TFDP1: variants seen among roughly 807,000 people sequenced by gnomAD.
The protein encoded by TFDP1 is DRTF1-polypeptide 1.
Under a neutral mutation model 48.0 loss-of-function variants are expected in TFDP1, and 6 were observed. The ratio of observed to expected loss-of-function variants is 0.13; its 90% CI spans 0.07 to 0.25. TFDP1 has a LOEUF of 0.25. Ranked by LOEUF, TFDP1 falls within the 10% of genes least tolerant of loss-of-function variation. The probability of loss-of-function intolerance (pLI) is 1.00; values close to 1 mark genes in which losing one functional copy is unlikely to be tolerated. For missense variants in TFDP1, 335 were observed against 543.0 expected (o/e 0.62, Z 3.81); for synonymous variants, 201 against 211.6 (o/e 0.95, Z 0.44).
rs577847768 is a variant in TFDP1, at chr13:113,620,153, C to T, written c.80-3027C>T. 2.6e-5 allele frequency among the ~76,000 whole-genome samples: 4 copies of T among 152,316 alleles called. No homozygotes were observed. The South Asian group carries it at 6.2e-4, about 24-fold the overall frequency. On this transcript the variant is annotated intron_variant, in intron 3 of 11. Coordinates refer to ENST00000375370, the MANE Select transcript of TFDP1 (RefSeq NM_007111.5). The stretch of plus-strand genomic sequence containing the variant: ...AGATGGTGTAGGCAGGCCAGCCGGC[C>T]GGCCTGTGGGTGGAGCAGATGGAGG...
intron 2 of TFDP1, among the ~76,000 whole-genome samples, chr13:113,600,171 TGAGA>T (rs1295885066): frequency 2.4e-4 from 35 of 148,390 alleles, no homozygotes; most frequent in African/African-American, 8.5e-4. Context: ...CCCAGGACCG[TGAGA>T]GAGAATCCTT....
chr13:113,586,025 C>A, intron 2 of TFDP1, 176 bp downstream of exon 2: 2 of 638,982 alleles, frequency 3.1e-6, no homozygotes, highest in Admixed American at 2.9e-5. Context: ...ATCTCTGAAG[C>A]TGCGGTCACC....
chr13:113,598,244 G>A lies in TFDP1; in HGVS notation c.12+12395G>A, dbSNP rs912526315. ...CCACCCCAAAGACAGCGGGAGGCAG[G>A]ATGCAAGCACCTTTTTAACGGCTGT... On this transcript the variant is annotated intron_variant, in intron 2 of 11. Coordinates refer to ENST00000375370, the MANE Select transcript of TFDP1 (RefSeq NM_007111.5). The surrounding 1 kb of genome is among the most constrained non-coding windows in gnomAD (Gnocchi z 4.2). Among the ~76,000 whole-genome samples, 4 of 152,184 alleles carry A rather than the reference G, an allele frequency of 2.6e-5. No individual in the cohort carries two copies. Among genetic ancestry groups the A allele is most frequent in the African/African-American group, 9.7e-5 (4 of 41,442 alleles).
At position 113,598,918 on chromosome 13, in the gene TFDP1, C is replaced by T. The variant is rs1008017737; in HGVS notation, c.13-12078C>T. Among the ~76,000 whole-genome samples, 6 of 152,166 alleles carry T rather than the reference C, an allele frequency of 3.9e-5. No individual in the cohort carries two copies. The highest frequency in any genetic ancestry group is 1.3e-4 in the Admixed American group (2 of 15,278). On this transcript the variant is annotated intron_variant, in intron 2 of 11. Transcript: ENST00000375370. This position sits in a 1 kb window ranked among gnomAD's most constrained non-coding sequence, Gnocchi z 4.2. ...TTTCCCTTAGTTTAGAAAATGAAAT[C>T]GCCTTATTGCTTTGTTCGGTTATGA...
intron 2 of TFDP1, among the ~76,000 whole-genome samples, chr13:113,588,011 A>G (rs999564277): frequency 6.6e-6 from 1 of 151,154 alleles, no homozygotes; most frequent in African/African-American, 2.4e-5. Flanking sequence ...GCGCCACCAC[A>G]CCCAGCTAAT....
intron 11 of TFDP1, 59 bp from the exon 12 acceptor site, chr13:113,640,061 C>CG (rs1407930889): frequency 3.9e-6 from 5 of 1,284,120 alleles, no homozygotes; most frequent in Non-Finnish European, 4.4e-6. Context: ...AGCCCTGAGG[C>CG]GGGGGGAGGC....
intron 4 of TFDP1, among the ~76,000 whole-genome samples, chr13:113,631,156 T>A (rs1490844253): frequency 1.3e-5 from 2 of 152,258 alleles, no homozygotes; most frequent in Non-Finnish European, 2.9e-5. Flanking sequence ...TTCAGGCCTC[T>A]TTTTAGTACC....
chr13:113,623,368 A>G lies in TFDP1; in HGVS notation c.186+82A>G, dbSNP rs1251781147. 6 of 1,357,280 alleles carry G rather than the reference A, an allele frequency of 4.4e-6. No individual in the cohort carries two copies. The highest frequency in any genetic ancestry group is 1.4e-5 in the African/African-American group (1 of 69,334). The allele number at this position is 1,357,280 out of a possible 1,614,324, so 84.1% of individuals were successfully genotyped here. A position where few individuals can be genotyped will look rare whatever the true frequency, so the allele number is the denominator to read the frequency against. On this transcript the variant is annotated intron_variant, in intron 4 of 11. Coordinates refer to ENST00000375370, the MANE Select transcript of TFDP1 (RefSeq NM_007111.5). This position sits in a 1 kb window ranked among gnomAD's most constrained non-coding sequence, Gnocchi z 5.2. ...GAGCCGTGTGGTTGGGGATGTTCCCAGGTGTGCCTGGATTTGGGCTCCAGT... is the reference window on the plus strand; with the variant it reads ...GAGCCGTGTGGTTGGGGATGTTCCCGGGTGTGCCTGGATTTGGGCTCCAGT...
chr13:113,586,608 C>G (rs951088063), intron 2 of TFDP1, among the ~76,000 whole-genome samples: 3 of 152,204 alleles, frequency 2.0e-5, no homozygotes, highest in African/African-American at 7.2e-5. Context: ...ACCTACTTAC[C>G]GCACAGAGTT....
intron 4 of TFDP1, among the ~76,000 whole-genome samples, chr13:113,626,286 A>G (rs895514641): frequency 2.6e-5 from 4 of 152,218 alleles, no homozygotes; most frequent in African/African-American, 9.7e-5. Context: ...TTCTTCAGAG[A>G]ACATGACCAC....
intron 1 of TFDP1, 36 bp from the exon 2 acceptor site, chr13:113,585,734 ATTTC>A (rs2047986793): frequency 8.2e-7 from 1 of 1,216,928 alleles, no homozygotes; most frequent in Non-Finnish European, 1.2e-6. Flanking sequence ...ATTCTTACTT[ATTTC>A]TTGTTTTTCC....
At chr13:113,585,010 C>T (rs2047961414) in intron 1 of TFDP1, 122 bp downstream of exon 1, 3 of 146,336 alleles carry the variant, frequency 2.1e-5, no homozygotes, top group Non-Finnish European at 4.6e-5. Context: ...CCGACCCGCG[C>T]CCTCCCGCGC....
intron 2 of TFDP1, among the ~76,000 whole-genome samples, chr13:113,605,004 C>G (rs2048529595): frequency 6.6e-6 from 1 of 152,180 alleles, no homozygotes; most frequent in African/African-American, 2.4e-5. Flanking sequence ...ACGTGGCTGG[C>G]TGAGCTTCCT....
intron 2 of TFDP1, among the ~76,000 whole-genome samples, chr13:113,603,333 C>A (rs1004898139): frequency 6.6e-6 from 1 of 152,194 alleles, no homozygotes; most frequent in African/African-American, 2.4e-5. Flanking sequence ...CACACCCTGG[C>A]GGGTGCTGGC....
chr13:113,627,367 T>C lies in TFDP1; in HGVS notation c.186+4081T>C, dbSNP rs1452326849. On this transcript the variant is annotated intron_variant, in intron 4 of 11. Coordinates refer to ENST00000375370, the MANE Select transcript of TFDP1 (RefSeq NM_007111.5). The surrounding 1 kb of genome is among the most constrained non-coding windows in gnomAD (Gnocchi z 4.1). ...TGCTCAGCCGGCAGGAGCAGCGGCC[T>C]GTGTGAGCCCCTGGGGAGAAGCAGC... Among the ~76,000 whole-genome samples, 1 of 152,164 alleles carries C rather than the reference T, an allele frequency of 6.6e-6. No individual in the cohort carries two copies. The highest frequency in any genetic ancestry group is 2.4e-5 in the African/African-American group (1 of 41,452).
rs1055058773 is a variant in TFDP1, at chr13:113,607,774, A to C, written c.13-3222A>C. On this transcript the variant is annotated intron_variant, in intron 2 of 11. Transcript: ENST00000375370. This position sits in a 1 kb window ranked among gnomAD's most constrained non-coding sequence, Gnocchi z 5.2. ...CCAGTGGGTGGCGGTGACGGGGGCCAGTGGTTTCCTGGACCTGGGTTTCCT... is the reference window on the plus strand; with the variant it reads ...CCAGTGGGTGGCGGTGACGGGGGCCCGTGGTTTCCTGGACCTGGGTTTCCT... Among the ~76,000 whole-genome samples the C allele has an allele frequency of 6.6e-6, 1 of 152,118 alleles. No individual in the cohort carries two copies. The highest frequency in any genetic ancestry group is 1.5e-5 in the Non-Finnish European group (1 of 68,004).
chr13:113,622,658 TC>T (rs750199958), intron 3 of TFDP1, among the ~76,000 whole-genome samples: 3 of 152,226 alleles, frequency 2.0e-5, no homozygotes, highest in Admixed American at 2.0e-4. Context: ...CAGAGGGGTC[TC>T]CCGCTTGCTT....
chr13:113,599,071 A>G (rs1000863914), intron 2 of TFDP1, among the ~76,000 whole-genome samples: 1 of 152,060 alleles, frequency 6.6e-6, no homozygotes, highest in Non-Finnish European at 1.5e-5. Flanking sequence ...GATGCCCTAG[A>G]TGTGTGTGTT....
intron 2 of TFDP1, among the ~76,000 whole-genome samples, chr13:113,592,112 A>C (rs1481806780): frequency 6.6e-6 from 1 of 152,202 alleles, no homozygotes; most frequent in Non-Finnish European, 1.5e-5. Context: ...TCAAGGATGA[A>C]GAGTTATATC....
Sources: allele counts gnomAD v4.1 joint callset (sites outside exome capture counted in the v4.1 genomes callset), GRCh38; gene constraint gnomAD v4.1.1; non-coding constraint Gnocchi (gnomAD v3.1); transcripts MANE v1.5; gene names NCBI Gene and HGNC (gene_info 2026-07-23, HGNC 2026-07-21).